The following LOC128462377 variants were observed in gnomAD, a reference collection of about 807,000 sequenced individuals.
At chr16:89,377,156 C>A in the LOC128462377 span, among the ~76,000 whole-genome samples, 1 of 152,172 alleles carries the variant, frequency 6.6e-6, no homozygotes. Flanking sequence ...GAGGCGTCAA[C>A]GTGGTCTTCC....
chr16:89,406,321 C>T, the LOC128462377 span, among the ~76,000 whole-genome samples: 1 of 152,168 alleles, frequency 6.6e-6, no homozygotes, highest in African/African-American at 2.4e-5. Flanking sequence ...CAGACCCTCA[C>T]TGCCAGGTCA....
the LOC128462377 span, among the ~76,000 whole-genome samples, chr16:89,408,444 C>T: frequency 3.3e-5 from 5 of 152,244 alleles, no homozygotes; most frequent in African/African-American, 1.2e-4. Flanking sequence ...CCGTTAGAAA[C>T]GGCCTCACCC....
chr16:89,346,786 A>G, the LOC128462377 span, among the ~76,000 whole-genome samples: 1 of 152,274 alleles, frequency 6.6e-6, no homozygotes, highest in African/African-American at 2.4e-5. Context: ...ATCCCAATAA[A>G]GAGACTCTAA....
the LOC128462377 span, among the ~76,000 whole-genome samples, chr16:89,355,237 G>A: frequency 1.3e-5 from 2 of 150,854 alleles, no homozygotes; most frequent in Non-Finnish European, 3.0e-5. Context: ...AGGGAGGGCG[G>A]AGGGCTCACA....
the LOC128462377 span, among the ~76,000 whole-genome samples, chr16:89,374,061 G>A: frequency 6.6e-6 from 1 of 152,240 alleles, no homozygotes; most frequent in Non-Finnish European, 1.5e-5. Flanking sequence ...ACGCAAGTGT[G>A]AGGCCCGCAG....
the LOC128462377 span, among the ~76,000 whole-genome samples, chr16:89,382,414 C>T: frequency 1.3e-5 from 2 of 152,266 alleles, no homozygotes; most frequent in Admixed American, 6.5e-5. Context: ...CCACCTCCGC[C>T]TCCCAGGTTC....
chr16:89,409,288 G>C, the LOC128462377 span, among the ~76,000 whole-genome samples: 6 of 152,304 alleles, frequency 3.9e-5, no homozygotes, highest in South Asian at 1.2e-3. Flanking sequence ...TAGGCTACAA[G>C]AAAGCTCAAA....
the LOC128462377 span, among the ~76,000 whole-genome samples, chr16:89,376,159 G>C: frequency 6.6e-6 from 1 of 152,216 alleles, no homozygotes; most frequent in East Asian, 1.9e-4. Context: ...ATATGAAAAT[G>C]TGTGGGTGCA....
the LOC128462377 span, among the ~76,000 whole-genome samples, chr16:89,382,618 T>G: frequency 1.1e-4 from 16 of 152,206 alleles, no homozygotes; most frequent in South Asian, 3.3e-3. Context: ...ATTACAGGCC[T>G]GAGCCACCAC....
At chr16:89,389,260 A>G in the LOC128462377 span, among the ~76,000 whole-genome samples, 5 of 152,180 alleles carry the variant, frequency 3.3e-5, no homozygotes, top group South Asian at 1.0e-3. Context: ...CCTGGGCTCA[A>G]GCAATCTTCC....
chr16:89,332,950 C>T, the LOC128462377 span, among the ~76,000 whole-genome samples: 5 of 152,252 alleles, frequency 3.3e-5, no homozygotes, highest in African/African-American at 1.2e-4. Flanking sequence ...CGAGCTGCAA[C>T]AGAACAGCGG....
chr16:89,402,234 C>G, the LOC128462377 span, among the ~76,000 whole-genome samples: 6 of 152,070 alleles, frequency 3.9e-5, no homozygotes, highest in Non-Finnish European at 8.8e-5. Context: ...AATGTGGAAC[C>G]AATTATATCT....
the LOC128462377 span, among the ~76,000 whole-genome samples, chr16:89,395,325 T>A: frequency 1.3e-5 from 2 of 152,312 alleles, no homozygotes; most frequent in Admixed American, 6.5e-5. Context: ...GGGAGCAGCG[T>A]CGGTGTGGAA....
chr16:89,381,100 A>T, the LOC128462377 span, among the ~76,000 whole-genome samples: 1 of 152,180 alleles, frequency 6.6e-6, no homozygotes, highest in African/African-American at 2.4e-5. Flanking sequence ...AGGCAGGTGG[A>T]TCATTTGAGA....
the LOC128462377 span, among the ~76,000 whole-genome samples, chr16:89,364,606 G>C: frequency 1.3e-5 from 2 of 152,206 alleles, no homozygotes; most frequent in African/African-American, 4.8e-5. Flanking sequence ...ACTGGAAGAA[G>C]AACTGGCTTG....
chr16:89,367,834 CCT>C, the LOC128462377 span, among the ~76,000 whole-genome samples: 5 of 152,154 alleles, frequency 3.3e-5, no homozygotes, highest in African/African-American at 7.2e-5. Flanking sequence ...ATGGCGAAAC[CCT>C]GTCTCTACAA....
At chr16:89,396,165 T>TC in the LOC128462377 span, 1 of 152,290 alleles carries the variant, frequency 6.6e-6, no homozygotes, top group African/African-American at 2.4e-5. Context: ...TTTGGAAAAC[T>TC]CCAAGAGCAG....
chr16:89,340,467 G>T, the LOC128462377 span, among the ~76,000 whole-genome samples: 1 of 152,122 alleles, frequency 6.6e-6, no homozygotes, highest in Non-Finnish European at 1.5e-5. Context: ...TAGAGATGGG[G>T]TTTCACAATG....
the LOC128462377 span, among the ~76,000 whole-genome samples, chr16:89,413,266 T>C: frequency 5.3e-5 from 8 of 152,230 alleles, no homozygotes; most frequent in Admixed American, 2.0e-4. Context: ...TTACTACGCA[T>C]ATTTTTTTGA....
Sources: gnomAD v4.1 joint callset for allele counts (sites outside exome capture counted in the v4.1 genomes callset) on GRCh38, gnomAD v4.1.1 for gene constraint, MANE v1.5 for transcripts.